Variants in OPHN1 observed in about 807,000 individuals in gnomAD.
The protein encoded by OPHN1 is oligophrenin-1.
In OPHN1, 11 loss-of-function variants were observed where a neutral mutation model predicts 60.7. The ratio of observed to expected loss-of-function variants is 0.18; its 90% CI spans 0.11 to 0.30. The LOEUF (loss-of-function observed/expected upper bound fraction) is 0.30, where lower values mean the gene tolerates loss of function less well. OPHN1 is among the 10% of genes least tolerant of loss of function. The pLI, the probability that OPHN1 is intolerant of heterozygous loss-of-function variation, is 1.00. For missense variants in OPHN1, 449 were observed against 611.0 expected, an observed-to-expected ratio of 0.73 and a Z score of 2.80; for synonymous variants, 226 against 222.6, an observed-to-expected ratio of 1.02 and a Z score of -0.14.
At chrX:68,115,454 T>C (rs181451098) in intron 16 of OPHN1, among the ~76,000 whole-genome samples, 8 of 111,896 alleles carry the variant, frequency 7.1e-5, no homozygotes, top group African/African-American at 2.6e-4. Context: ...ATAAAGGAGA[T>C]TGACTAAAAT....
intron 2 of OPHN1, among the ~76,000 whole-genome samples, chrX:68,345,927 G>C: frequency 8.9e-6 from 1 of 111,975 alleles, no homozygotes; most frequent in Non-Finnish European, 1.9e-5. Context: ...AGGAGTTTGA[G>C]ACCACCCTGG....
At chrX:68,189,864 G>T (rs1725965573) in intron 15 of OPHN1, among the ~76,000 whole-genome samples, 1 of 111,019 alleles carries the variant, frequency 9.0e-6, no homozygotes. Flanking sequence ...AACGATAGAA[G>T]AAAGCCTACA....
intron 16 of OPHN1, among the ~76,000 whole-genome samples, chrX:68,113,826 AG>A (rs1214420637): frequency 2.1e-4 from 7 of 33,817 alleles, no homozygotes; most frequent in African/African-American, 8.9e-4. Flanking sequence ...GGGTGGGGGG[AG>A]GGGGGAGGGA....
At chrX:68,385,835 A>G (rs2078621749) in intron 2 of OPHN1, among the ~76,000 whole-genome samples, 1 of 111,991 alleles carries the variant, frequency 8.9e-6, no homozygotes, top group African/African-American at 3.2e-5. Context: ...TTGAAATCTA[A>G]GTAAGTCTGA....
chrX:68,297,858 G>T (rs2078102747), intron 3 of OPHN1, among the ~76,000 whole-genome samples: 1 of 110,809 alleles, frequency 9.0e-6, no homozygotes, highest in Admixed American at 9.7e-5. Context: ...TATTTAATAT[G>T]AACTACATTG....
intron 18 of OPHN1, among the ~76,000 whole-genome samples, chrX:68,107,502 G>T (rs1348479527): frequency 9.0e-6 from 1 of 111,694 alleles, no homozygotes; most frequent in Non-Finnish European, 1.9e-5. Flanking sequence ...TAATTAGGAG[G>T]TACATAAGGT....
chrX:68,332,360 C>T (rs1343404747), intron 2 of OPHN1, among the ~76,000 whole-genome samples: 1 of 111,395 alleles, frequency 9.0e-6, no homozygotes, highest in Non-Finnish European at 1.9e-5. Flanking sequence ...CCCAAATAGG[C>T]GCCTGGTGTT....
intron 19 of OPHN1, among the ~76,000 whole-genome samples, chrX:68,076,202 T>C (rs1467637724): frequency 2.7e-5 from 3 of 110,825 alleles, no homozygotes; most frequent in Non-Finnish European, 5.7e-5. Flanking sequence ...AACATACAAA[T>C]GGCAAACATA....
In OPHN1 at chrX:68,281,219, T is replaced by C. The variant is rs1033298806; in HGVS notation, c.312+1837A>G. On this transcript the variant is annotated intron_variant, in intron 4 of 24. Transcript: ENST00000355520. ...AGATAGTGTGGTATTTGTGAAAGAA[T>C]AGATAAATAGATCAATGCAACAGAA... is the stretch of plus-strand genomic sequence containing the variant. Among the ~76,000 whole-genome samples the C allele has an allele frequency of 4.5e-5, 5 of 112,013 alleles. No homozygotes were observed. In the East Asian group the frequency reaches 1.1e-3, roughly 25 times the overall value.
At chrX:68,323,452 T>G (rs753016779) in intron 2 of OPHN1, among the ~76,000 whole-genome samples, 1 of 111,947 alleles carries the variant, frequency 8.9e-6, no homozygotes, top group South Asian at 3.7e-4. Flanking sequence ...ACACACACTA[T>G]GTATCCTAAT....
intron 2 of OPHN1, among the ~76,000 whole-genome samples, chrX:68,337,578 T>C (rs1326681080): frequency 2.7e-5 from 3 of 110,831 alleles, no homozygotes; most frequent in African/African-American, 9.8e-5. Context: ...CCTCAAAATA[T>C]TGACCCCAAA....
At chrX:68,125,202 A>G (rs1306795781) in intron 15 of OPHN1, among the ~76,000 whole-genome samples, 1 of 111,757 alleles carries the variant, frequency 8.9e-6, no homozygotes, top group Non-Finnish European at 1.9e-5. Context: ...AAGCAGTACT[A>G]AGATGGAAGG....
At chrX:68,168,797 T>C (rs370197461) in intron 15 of OPHN1, among the ~76,000 whole-genome samples, 3 of 110,330 alleles carry the variant, frequency 2.7e-5, no homozygotes, top group Non-Finnish European at 3.8e-5. Context: ...ATCAAATAGA[T>C]GCAATAAAAA....
chrX:68,214,109 A>G, intron 6 of OPHN1, 137 bp from the exon 7 acceptor site: 1 of 486,646 alleles, frequency 2.1e-6, no homozygotes. Context: ...TTTTAGAAAT[A>G]GAGAACCTAA....
intron 2 of OPHN1, among the ~76,000 whole-genome samples, chrX:68,329,281 T>A (rs1390064227): frequency 1.8e-5 from 2 of 112,220 alleles, no homozygotes; most frequent in Admixed American, 9.5e-5. Context: ...GGTGTAAGTA[T>A]AAATGTGTAT....
intron 2 of OPHN1, among the ~76,000 whole-genome samples, chrX:68,364,074 G>C (rs1480670766): frequency 1.8e-5 from 2 of 111,936 alleles, no homozygotes; most frequent in Non-Finnish European, 1.9e-5. Context: ...TGCTGTACGA[G>C]AGACTGGATT....
At chrX:68,252,662 TC>T (rs1261630587) in intron 5 of OPHN1, among the ~76,000 whole-genome samples, 1 of 112,234 alleles carries the variant, frequency 8.9e-6, no homozygotes, top group Non-Finnish European at 1.9e-5. Context: ...TGAATTGGCA[TC>T]TTCCTTGATA....
chrX:68,317,380 G>GAAAGA (rs397961005), intron 2 of OPHN1, among the ~76,000 whole-genome samples: 1,293 of 25,826 alleles, frequency 0.05, 25 homozygotes, highest in Middle Eastern at 0.11. Flanking sequence ...AGAAAGAAAG[G>GAAAGA]AAGGAAGGAA....
At chrX:68,305,764 C>G (rs1010495977) in intron 2 of OPHN1, among the ~76,000 whole-genome samples, 10 of 112,559 alleles carry the variant, frequency 8.9e-5, no homozygotes, top group Non-Finnish European at 1.9e-4. Context: ...AAAGAATACA[C>G]ACTTTATAGA....
Sources: allele counts gnomAD v4.1 joint callset (sites outside exome capture counted in the v4.1 genomes callset), GRCh38; gene constraint gnomAD v4.1.1; transcripts MANE v1.5; gene names NCBI Gene and HGNC (gene_info 2026-07-23, HGNC 2026-07-21).